FAM222B: variants seen among roughly 807,000 people sequenced by gnomAD.
The protein encoded by FAM222B is protein FAM222B.
A neutral mutation model predicts 38.0 loss-of-function variants in FAM222B; 12 were observed. That is an observed-to-expected ratio of 0.32 (90% CI 0.20 to 0.51). FAM222B has a LOEUF of 0.51. FAM222B is among the 20% of genes least tolerant of loss of function. The pLI is 0.97. For synonymous variants in FAM222B, 329 were observed against 317.2 expected, an observed-to-expected ratio of 1.04 and a Z score of -0.40; for missense variants, 716 against 754.2, an observed-to-expected ratio of 0.95 and a Z score of 0.59.
At position 28,755,991 on chromosome 17, in the gene FAM222B, AT is replaced by A. The variant is rs2151745045; in HGVS notation, c.*2278del. On this transcript the variant is annotated 3_prime_UTR_variant, in exon 3 of 3. Transcript: ENST00000581407. ...CAAGGTCAGAAAGCGAGGTTTTCTT[AT>A]TTTTACTGGTTTATAATAATCTTAA... The A allele has an allele frequency of 6.6e-6, 1 of 152,662 alleles. No individual in the cohort carries two copies. The highest frequency in any genetic ancestry group is 2.4e-5 in the African/African-American group (1 of 41,566). 9.5% of individuals were successfully genotyped at this position (152,662 alleles called of 1,614,324 possible).
chr17:28,763,748 T>C (rs72847574), intron 2 of FAM222B, among the ~76,000 whole-genome samples: 10 of 152,336 alleles, frequency 6.6e-5, no homozygotes, highest in Non-Finnish European at 1.0e-4. Flanking sequence ...GAGTCTTCCA[T>C]ATGGAATTTT....
chr17:28,787,216 G>T (rs1160205532), intron 1 of FAM222B, among the ~76,000 whole-genome samples: 10 of 152,088 alleles, frequency 6.6e-5, no homozygotes, highest in Admixed American at 6.6e-5. Flanking sequence ...GAGCCACCAT[G>T]CCCAGCCCCC....
In FAM222B at chr17:28,759,973, G is replaced by A. The variant is rs1156687459; in HGVS notation, c.83-97C>T. On this transcript the variant is annotated intron_variant, in intron 2 of 2. Transcript: ENST00000581407. This position sits in a 1 kb window ranked among gnomAD's most constrained non-coding sequence, Gnocchi z 4.8. ...CCAGATTCCCCTTTTGAGGGCCTGG[G>A]GTGGGGTGGGGAAATGACTAGATTG... 1 of 1,218,656 alleles carries A rather than the reference G, an allele frequency of 8.2e-7. No individual in the cohort carries two copies. Among genetic ancestry groups the A allele is most frequent in the South Asian group, 1.6e-5 (1 of 62,658 alleles). 75.5% of individuals were successfully genotyped at this position (1,218,656 alleles called of 1,614,324 possible). A position where few individuals can be genotyped will look rare whatever the true frequency, so the allele number is the denominator to read the frequency against.
intron 1 of FAM222B, among the ~76,000 whole-genome samples, chr17:28,779,790 A>ATAAG (rs1245784020): frequency 3.3e-5 from 5 of 151,620 alleles, no homozygotes; most frequent in Admixed American, 1.3e-4. Flanking sequence ...AAATAAATAA[A>ATAAG]TAAAGCATCT....
intron 2 of FAM222B, 78 bp downstream of exon 2, chr17:28,766,508 G>T: frequency 8.5e-7 from 1 of 1,170,582 alleles, no homozygotes; most frequent in Non-Finnish European, 1.2e-6. Flanking sequence ...GTGTACCCCA[G>T]ATGTGCTTCA....
At chr17:28,786,344 T>A (rs1483266129) in intron 1 of FAM222B, among the ~76,000 whole-genome samples, 1 of 152,184 alleles carries the variant, frequency 6.6e-6, no homozygotes, top group African/African-American at 2.4e-5. Flanking sequence ...GGAAAATGAC[T>A]ATACATAGGC....
chr17:28,846,120 G>C (rs540669629), upstream of FAM222B, among the ~76,000 whole-genome samples: 1 of 148,514 alleles, frequency 6.7e-6, no homozygotes, highest in South Asian at 2.1e-4. Flanking sequence ...GGAGAACGGC[G>C]TGAACCCAGG....
At chr17:28,762,331 T>C (rs754138814) in intron 2 of FAM222B, among the ~76,000 whole-genome samples, 3 of 152,118 alleles carry the variant, frequency 2.0e-5, no homozygotes, top group Non-Finnish European at 4.4e-5. Context: ...AGCCTAACTC[T>C]TAAAAAAAGT....
At chr17:28,813,218 C>T (rs944226417) in intron 1 of FAM222B, among the ~76,000 whole-genome samples, 2 of 150,324 alleles carry the variant, frequency 1.3e-5, no homozygotes, top group African/African-American at 4.9e-5. Context: ...ATGTATTTAG[C>T]TGGATGTATC....
chr17:28,841,511 A>G (rs2039037580), intron 1 of FAM222B, among the ~76,000 whole-genome samples: 1 of 151,994 alleles, frequency 6.6e-6, no homozygotes, highest in African/African-American at 2.4e-5. Flanking sequence ...AGCAGCTGGG[A>G]TTACAGGCGC....
chr17:28,791,360 T>C (rs888467328), intron 1 of FAM222B, among the ~76,000 whole-genome samples: 9 of 152,114 alleles, frequency 5.9e-5, no homozygotes, highest in African/African-American at 2.2e-4. Context: ...ACTGGGGTTC[T>C]TGCCACTTGG....
intron 1 of FAM222B, among the ~76,000 whole-genome samples, chr17:28,803,528 C>G (rs1369035635): frequency 6.6e-6 from 1 of 151,896 alleles, no homozygotes; most frequent in East Asian, 1.9e-4. Flanking sequence ...AACTCCTGGG[C>G]TCAAGCAATC....
chr17:28,784,103 G>A (rs534193215), intron 1 of FAM222B, among the ~76,000 whole-genome samples: 4 of 152,100 alleles, frequency 2.6e-5, no homozygotes, highest in East Asian at 1.9e-4. Flanking sequence ...ACACCTGGCC[G>A]AGATTATTTT....
At chr17:28,852,808 C>T (rs766084820) in intron 1 of FAM222B, among the ~76,000 whole-genome samples, 6 of 151,920 alleles carry the variant, frequency 3.9e-5, no homozygotes, top group African/African-American at 1.2e-4. Flanking sequence ...CCTGTAAACT[C>T]GCACTTGGGG....
intron 1 of FAM222B, among the ~76,000 whole-genome samples, chr17:28,841,046 G>T (rs1021685574): frequency 2.8e-4 from 43 of 152,140 alleles, no homozygotes; most frequent in Non-Finnish European, 4.4e-5. Flanking sequence ...TGTAATCCCG[G>T]CACTTTGAGA....
At chr17:28,846,906 G>C (rs2039149135), upstream of FAM222B, among the ~76,000 whole-genome samples, 2 of 152,008 alleles carry the variant, frequency 1.3e-5, no homozygotes, top group Admixed American at 1.3e-4. Context: ...GGGCAACGTA[G>C]TGAGACTCTG....
intron 1 of FAM222B, among the ~76,000 whole-genome samples, chr17:28,773,479 C>CAAAAAAA (rs66716142): frequency 3.3e-5 from 2 of 60,782 alleles, no homozygotes; most frequent in Non-Finnish European, 5.7e-5. Flanking sequence ...AACTCTGTCT[C>CAAAAAAA]AAAAAAAAAA....
At chr17:28,772,049 T>C (rs1475708368) in intron 1 of FAM222B, among the ~76,000 whole-genome samples, 1 of 152,070 alleles carries the variant, frequency 6.6e-6, no homozygotes, top group Non-Finnish European at 1.5e-5. Context: ...AGAGCGAGAC[T>C]ATGTCTCAAA....
intron 1 of FAM222B, among the ~76,000 whole-genome samples, chr17:28,779,701 A>C (rs1466381294): frequency 1.3e-5 from 2 of 151,838 alleles, no homozygotes; most frequent in Non-Finnish European, 2.9e-5. Context: ...CAGTGAGTCG[A>C]GATTGCGCCA....
Sources: gnomAD v4.1 joint callset for allele counts (sites outside exome capture counted in the v4.1 genomes callset) on GRCh38, gnomAD v4.1.1 for gene constraint, Gnocchi (gnomAD v3.1) non-coding constraint, MANE v1.5 for transcripts, NCBI Gene and HGNC (gene_info 2026-07-23, HGNC 2026-07-21) for gene names.